The following WDPCP variants were observed in gnomAD, a reference collection of about 807,000 sequenced individuals.
WDPCP encodes WD repeat containing planar cell polarity effector, also known as WD repeat-containing and planar cell polarity effector protein fritz homolog.
A neutral mutation model predicts 93.1 loss-of-function variants in WDPCP; 71 were observed. That is an observed-to-expected ratio of 0.76 (90% CI 0.63 to 0.93). The LOEUF is 0.93. Among genes scored for constraint, WDPCP ranks in the 40% least tolerant of loss-of-function variants. The pLI is 0.00. For synonymous variants in WDPCP, 315 were observed against 315.0 expected (o/e 1.00, Z 0.00); for missense variants, 844 against 887.4 (o/e 0.95, Z 0.62).
chr2:63,468,139 G>C (rs1699469039), intron 6 of WDPCP, among the ~76,000 whole-genome samples: 1 of 152,136 alleles, frequency 6.6e-6, no homozygotes, highest in South Asian at 2.1e-4. Context: ...TCAGCACCAT[G>C]CTTCAGCCTG....
At chr2:63,218,123 T>A (rs576359556) in intron 14 of WDPCP, among the ~76,000 whole-genome samples, 1 of 152,210 alleles carries the variant, frequency 6.6e-6, no homozygotes, top group Non-Finnish European at 1.5e-5. Context: ...CTTTAATACT[T>A]ATCTAAAAGC....
rs533329704 is a variant in WDPCP at position 63,657,397 on chromosome 2, G to A, written n.309-6559C>T. Reference sequence around the variant, plus strand: ...TTTTTTTGTATTTTTTAGTAGAGACGGGGTTTCACCGTGTTAGCCCGGATG... The same window carrying A: ...TTTTTTTGTATTTTTTAGTAGAGACAGGGTTTCACCGTGTTAGCCCGGATG... On this transcript the variant is annotated intron_variant and non_coding_transcript_variant, in intron 2 of 4. Transcript: ENST00000467687. Among the ~76,000 whole-genome samples, 28 of 151,998 alleles carry A rather than the reference G, an allele frequency of 1.8e-4. No homozygotes were observed. In the South Asian group the frequency reaches 2.3e-3, roughly 12 times the overall value.
intron 2 of WDPCP, among the ~76,000 whole-genome samples, chr2:63,808,869 C>T (rs1344172306): frequency 6.6e-6 from 1 of 151,956 alleles, no homozygotes; most frequent in Non-Finnish European, 1.5e-5. Flanking sequence ...GCGTCTCTGC[C>T]CGGCCGCCAT....
At chr2:63,769,991 G>C (rs1670201347) in intron 2 of WDPCP, among the ~76,000 whole-genome samples, 4 of 151,752 alleles carry the variant, frequency 2.6e-5, no homozygotes, top group Admixed American at 2.0e-4. Context: ...GTCCCCCCAA[G>C]ACAAATGCCA....
At chr2:63,303,338 G>A (rs897533347) in intron 13 of WDPCP, among the ~76,000 whole-genome samples, 2 of 152,100 alleles carry the variant, frequency 1.3e-5, no homozygotes, top group Non-Finnish European at 2.9e-5. Context: ...GGCCTAAGAA[G>A]GTTTGCAGCT....
chr2:63,733,412 C>T (rs1479303504), intron 2 of WDPCP, among the ~76,000 whole-genome samples: 2 of 146,960 alleles, frequency 1.4e-5, no homozygotes, highest in Admixed American at 1.3e-4. Flanking sequence ...CCTTGTTAGC[C>T]AGGATGGTCT....
chr2:63,443,351 A>G (rs1013785234), intron 6 of WDPCP: 1 of 152,222 alleles, frequency 6.6e-6, no homozygotes, highest in Non-Finnish European at 1.5e-5. Context: ...TAATAAAGAA[A>G]TAAGCCTCTC....
intron 2 of WDPCP, among the ~76,000 whole-genome samples, chr2:63,727,788 T>C (rs1669511176): frequency 1.3e-5 from 2 of 152,226 alleles, no homozygotes; most frequent in African/African-American, 4.8e-5. Flanking sequence ...GGAAGTTGTA[T>C]ATTTCTAGGA....
intron 14 of WDPCP, among the ~76,000 whole-genome samples, chr2:63,197,931 C>T (rs78110034): frequency 0.013 from 1,969 of 152,234 alleles, 39 homozygotes; most frequent in African/African-American, 0.042. Context: ...TGCCATGTAA[C>T]GTAGCATATT....
chr2:63,707,717 T>G (rs1669187296), intron 2 of WDPCP, among the ~76,000 whole-genome samples: 2 of 152,214 alleles, frequency 1.3e-5, no homozygotes, highest in Admixed American at 1.3e-4. Context: ...TTTTTAGAGT[T>G]TCCGGTTTTT....
chr2:63,758,782 T>A (rs1249828700), intron 2 of WDPCP, among the ~76,000 whole-genome samples: 1 of 151,742 alleles, frequency 6.6e-6, no homozygotes, highest in African/African-American at 2.4e-5. Context: ...TCTTTTTTTT[T>A]ATTTTTATTT....
intron 12 of WDPCP, among the ~76,000 whole-genome samples, chr2:63,335,818 A>C (rs1575168197): frequency 1.3e-5 from 2 of 152,200 alleles, no homozygotes; most frequent in East Asian, 3.8e-4. Flanking sequence ...ACAGGATGAG[A>C]TAGGAGATTA....
chr2:63,727,476 A>G (rs1253407528), intron 2 of WDPCP, among the ~76,000 whole-genome samples: 5 of 152,246 alleles, frequency 3.3e-5, no homozygotes, highest in African/African-American at 9.6e-5. Flanking sequence ...TTTTACATCT[A>G]TGCTCATCAG....
chr2:63,156,214 G>A (rs1672239625), intron 15 of WDPCP, among the ~76,000 whole-genome samples: 1 of 151,776 alleles, frequency 6.6e-6, no homozygotes, highest in Non-Finnish European at 1.5e-5. Context: ...TGTTGCCCAG[G>A]CTGGTCTCGA....
At chr2:63,227,252 T>C (rs1227246813) in intron 14 of WDPCP, among the ~76,000 whole-genome samples, 1 of 151,970 alleles carries the variant, frequency 6.6e-6, no homozygotes, top group Non-Finnish European at 1.5e-5. Flanking sequence ...ATTGTAGAAG[T>C]TTCCATTTCA....
At chr2:63,819,582 T>C (rs555808838) in intron 1 of WDPCP, among the ~76,000 whole-genome samples, 15 of 152,324 alleles carry the variant, frequency 9.8e-5, no homozygotes, top group Non-Finnish European at 1.8e-4. Flanking sequence ...TTTTAATTCA[T>C]AGACATGCAG....
At chr2:63,144,098 A>G (rs904700693) in intron 17 of WDPCP, among the ~76,000 whole-genome samples, 3 of 152,078 alleles carry the variant, frequency 2.0e-5, no homozygotes, top group African/African-American at 7.2e-5. Context: ...TTGGTTGTTT[A>G]ACGTAATCCC....
chr2:63,272,437 T>C (rs1401435715), intron 13 of WDPCP, among the ~76,000 whole-genome samples: 2 of 151,902 alleles, frequency 1.3e-5, no homozygotes, highest in African/African-American at 4.8e-5. Flanking sequence ...ACAAGAAACA[T>C]GAAAAGGCAA....
chr2:63,559,261 T>C (rs1706387375), intron 1 of WDPCP, among the ~76,000 whole-genome samples: 2 of 152,198 alleles, frequency 1.3e-5, no homozygotes, highest in Admixed American at 6.5e-5. Context: ...AAACTAGGTA[T>C]TGATGGAATC....
Sources: gnomAD v4.1 joint callset for allele counts (sites outside exome capture counted in the v4.1 genomes callset) on GRCh38, gnomAD v4.1.1 for gene constraint, MANE v1.5 for transcripts, NCBI Gene and HGNC (gene_info 2026-07-23, HGNC 2026-07-21) for gene names.